PLCB1: variants seen among roughly 807,000 people sequenced by gnomAD.
PLCB1 encodes phospholipase C beta 1.
A neutral mutation model predicts 161.8 loss-of-function variants in PLCB1; 46 were observed. The observed-to-expected ratio is 0.28, with a 90% CI of 0.22 to 0.36. PLCB1 has a LOEUF of 0.36. Ranked by LOEUF, PLCB1 falls within the 10% of genes least tolerant of loss-of-function variation. The pLI is 1.00. For missense variants in PLCB1, 1,016 were observed against 1,472.5 expected (o/e 0.69, Z 5.07); for synonymous variants, 517 against 503.7 (o/e 1.03, Z -0.35).
At chr20:8,531,524 C>G (rs2122918681) in intron 3 of PLCB1, among the ~76,000 whole-genome samples, 1 of 152,148 alleles carries the variant, frequency 6.6e-6, no homozygotes, top group Non-Finnish European at 1.5e-5. Flanking sequence ...AAAACACTTC[C>G]TGCTAGGAAA....
intron 31 of PLCB1, among the ~76,000 whole-genome samples, chr20:8,821,245 C>A (rs1007956931): frequency 6.6e-6 from 1 of 151,434 alleles, no homozygotes; most frequent in Non-Finnish European, 1.5e-5. Context: ...CTTTGGGAGG[C>A]TGAGGTGGGT....
intron 3 of PLCB1, among the ~76,000 whole-genome samples, chr20:8,552,891 A>G (rs940400682): frequency 1.3e-5 from 2 of 152,018 alleles, no homozygotes; most frequent in Non-Finnish European, 2.9e-5. Flanking sequence ...TTTCAGGCTG[A>G]TTTCATGGTG....
At chr20:8,739,086 G>A (rs1455432301) in intron 20 of PLCB1, among the ~76,000 whole-genome samples, 175 bp from the exon 21 acceptor site, 2 of 152,206 alleles carry the variant, frequency 1.3e-5, no homozygotes, top group African/African-American at 4.8e-5. Context: ...CAGAGGCGGA[G>A]GTTGCAGTGA....
At chr20:8,743,100 G>A (rs1456248090) in intron 23 of PLCB1, among the ~76,000 whole-genome samples, 1 of 152,206 alleles carries the variant, frequency 6.6e-6, no homozygotes, top group Non-Finnish European at 1.5e-5. Context: ...TAACAGTGGT[G>A]AAAGTGAGCA....
intron 25 of PLCB1, among the ~76,000 whole-genome samples, chr20:8,762,831 C>A (rs574959159): frequency 1.6e-4 from 25 of 152,304 alleles, no homozygotes; most frequent in African/African-American, 5.1e-4. Context: ...ATTCTAGTCT[C>A]AATGTTTATT....
chr20:8,388,894 TTA>T (rs1226255683), intron 3 of PLCB1, among the ~76,000 whole-genome samples: 2 of 152,150 alleles, frequency 1.3e-5, no homozygotes, highest in Non-Finnish European at 2.9e-5. Flanking sequence ...ACAAAAACCT[TTA>T]TATAACTAGT....
chr20:8,338,780 C>A (rs1192004098), intron 2 of PLCB1, among the ~76,000 whole-genome samples: 1 of 152,124 alleles, frequency 6.6e-6, no homozygotes, highest in East Asian at 1.9e-4. Flanking sequence ...TTCTCTTGTG[C>A]CCTCTTCCAG....
In PLCB1 at chr20:8,266,352, C is replaced by T. The variant is rs529408656; in HGVS notation, c.178-105030C>T. On this transcript the variant is annotated intron_variant, in intron 2 of 31. Transcript: ENST00000338037. The stretch of plus-strand genomic sequence containing the variant: ...CAGCAGAGAAGAATGGGCTCTGCTC[C>T]ACATGGTACCTCATCCTCCAAGAGG... Among the ~76,000 whole-genome samples, 14 of 152,292 alleles carry T rather than the reference C, an allele frequency of 9.2e-5. No homozygotes were observed. The South Asian group carries it at 2.9e-3, about 32-fold the overall frequency.
chr20:8,718,850 T>G (rs1478284372), intron 14 of PLCB1, among the ~76,000 whole-genome samples: 5 of 152,226 alleles, frequency 3.3e-5, no homozygotes, highest in Non-Finnish European at 5.9e-5. Context: ...GAGCACTGGA[T>G]GCATTGTCAT....
At position 8,620,761 on chromosome 20, in the gene PLCB1, A is replaced by G. The variant is rs536328668; in HGVS notation, c.247-7533A>G. 2.2e-4 allele frequency among the ~76,000 whole-genome samples: 33 copies of G among 151,414 alleles called. No homozygotes were observed. The East Asian group carries it at 5.4e-3, about 25-fold the overall frequency. On this transcript the variant is annotated intron_variant, in intron 3 of 31. Coordinates refer to ENST00000338037, the MANE Select transcript of PLCB1 (RefSeq NM_015192.4). Reference sequence around the variant, plus strand: ...CCTGCCCCCACCAAAAAAAAAAAAAAAAAAAAAAGAAAAGAAAAGAAACAG... The same window carrying G: ...CCTGCCCCCACCAAAAAAAAAAAAAGAAAAAAAAGAAAAGAAAAGAAACAG...
chr20:8,704,570 A>G (rs913885503), intron 11 of PLCB1, among the ~76,000 whole-genome samples: 1 of 152,238 alleles, frequency 6.6e-6, no homozygotes, highest in African/African-American at 2.4e-5. Context: ...GCTTAAGCCA[A>G]TGATCAGACT....
At chr20:8,784,639 G>A (rs918939976) in intron 27 of PLCB1, among the ~76,000 whole-genome samples, 2 of 151,446 alleles carry the variant, frequency 1.3e-5, no homozygotes, top group African/African-American at 2.4e-5. Context: ...AAGGCAAACT[G>A]AGTACAGTAG....
In PLCB1 at chr20:8,757,092, C is replaced by T. The variant is rs184436336; in HGVS notation, c.2570C>T (p.Thr857Met). The T allele has an allele frequency of 9.3e-5, 150 of 1,613,114 alleles. No individual in the cohort carries two copies. In the African/African-American group the frequency reaches 1.2e-3, roughly 12 times the overall value. ...TCAGAGGCTCCAAGTGAAGCGAGAA[C>T]GACTCCAGCAGAAAATGGGGTGAAT... is the stretch of plus-strand genomic sequence containing the variant. ...TPSEAPSEAR[T>M]TPAENGVNHT... is the part of the protein sequence containing the mutation. Residue 857 changes from threonine (T) to methionine (M), a missense_variant, in exon 24 of 32, where the codon ACG becomes ATG. Physicochemically the swap from Thr to Met is moderately conservative, Grantham distance 81 (BLOSUM62 -1). Transcript: ENST00000338037.
chr20:8,744,616 T>TAAATAAAATAAAATAAAATTAAAATA lies in PLCB1; in HGVS notation c.2523+3062_2523+3063insTAAAATAAAATAAAATAAAATAAAAT, dbSNP rs1555787575. Among the ~76,000 whole-genome samples the TAAATAAAATAAAATAAAATTAAAATA allele has an allele frequency of 8.8e-3, 1,065 of 121,188 alleles. 14 individuals are homozygous for TAAATAAAATAAAATAAAATTAAAATA. Among genetic ancestry groups the TAAATAAAATAAAATAAAATTAAAATA allele is most frequent in the East Asian group, 0.024 (110 of 4,624 alleles). The allele number at this position is 121,188 out of a possible 152,430, so 79.5% of individuals were successfully genotyped here. ...GAGACCATGTCTCTTAAAAATAAAA[T>TAAATAAAATAAAATAAAATTAAAATA]AAATAAAATAAAATAAAATAAAATA... On this transcript the variant is annotated intron_variant, in intron 23 of 31. Coordinates refer to ENST00000338037, the MANE Select transcript of PLCB1 (RefSeq NM_015192.4).
intron 2 of PLCB1, among the ~76,000 whole-genome samples, chr20:8,197,379 T>C (rs548100440): frequency 6.6e-6 from 1 of 152,320 alleles, no homozygotes; most frequent in East Asian, 1.9e-4. Flanking sequence ...TGGTATCTCA[T>C]TGTGGTTTTG....
At chr20:8,636,454 A>G (rs889615916) in intron 4 of PLCB1, among the ~76,000 whole-genome samples, 1 of 152,246 alleles carries the variant, frequency 6.6e-6, no homozygotes, top group Non-Finnish European at 1.5e-5. Flanking sequence ...GTGTCAGGCA[A>G]ATGAAGGATG....
At chr20:8,133,600 C>T (rs995850083) in intron 1 of PLCB1, among the ~76,000 whole-genome samples, 4 of 152,184 alleles carry the variant, frequency 2.6e-5, no homozygotes, top group African/African-American at 9.6e-5. Context: ...CTTCCCCTTC[C>T]CCTCTACCCC....
intron 2 of PLCB1, among the ~76,000 whole-genome samples, chr20:8,285,668 C>A (rs1048303170): frequency 6.6e-6 from 1 of 152,032 alleles, no homozygotes; most frequent in Non-Finnish European, 1.5e-5. Flanking sequence ...CAGCTACCCA[C>A]GGCATTATTG....
chr20:8,334,966 A>G (rs1257450319), intron 2 of PLCB1, among the ~76,000 whole-genome samples: 2 of 152,194 alleles, frequency 1.3e-5, no homozygotes, highest in Non-Finnish European at 2.9e-5. Flanking sequence ...AAAATTTCCT[A>G]TAACCATACC....
Sources: allele counts gnomAD v4.1 joint callset (sites outside exome capture counted in the v4.1 genomes callset), GRCh38; gene constraint gnomAD v4.1.1; transcripts MANE v1.5; gene names NCBI Gene and HGNC (gene_info 2026-07-23, HGNC 2026-07-21).